Variants in SH3GL2 observed in about 807,000 individuals in gnomAD.
SH3GL2 encodes endophilin-A1.
Under a neutral mutation model 46.0 loss-of-function variants are expected in SH3GL2, and 24 were observed. The observed-to-expected ratio is 0.52, with a 90% CI of 0.38 to 0.73. The LOEUF (loss-of-function observed/expected upper bound fraction) is 0.73, where lower values mean the gene tolerates loss of function less well. Ranked by LOEUF, SH3GL2 falls within the 30% of genes least tolerant of loss-of-function variation. SH3GL2 has a pLI of 0.00. For missense variants in SH3GL2, 413 were observed against 424.2 expected, an observed-to-expected ratio of 0.97 and a Z score of 0.23; for synonymous variants, 196 against 147.1, an observed-to-expected ratio of 1.33 and a Z score of -2.40.
intron 1 of SH3GL2, among the ~76,000 whole-genome samples, chr9:17,652,485 AG>A (rs1386813706): frequency 6.6e-6 from 1 of 152,082 alleles, no homozygotes; most frequent in Non-Finnish European, 1.5e-5. Flanking sequence ...GAGGTGATCA[AG>A]TTCTGTGACT....
intron 1 of SH3GL2, among the ~76,000 whole-genome samples, chr9:17,728,472 A>G (rs931398336): frequency 5.3e-5 from 8 of 151,996 alleles, no homozygotes; most frequent in Middle Eastern, 3.2e-3. Flanking sequence ...TTATTTATGT[A>G]TGTATGTATT....
intron 1 of SH3GL2, among the ~76,000 whole-genome samples, chr9:17,706,767 A>G (rs1821482823): frequency 1.3e-5 from 2 of 152,072 alleles, no homozygotes; most frequent in African/African-American, 4.8e-5. Context: ...AGGTCCCTCT[A>G]TTCCTGATAT....
intron 1 of SH3GL2, among the ~76,000 whole-genome samples, chr9:17,650,887 A>G (rs1043254248): frequency 6.6e-6 from 1 of 152,174 alleles, no homozygotes; most frequent in Non-Finnish European, 1.5e-5. Flanking sequence ...ATCACTGGTC[A>G]TCTTATGTCC....
chr9:17,776,001 G>A (rs538632058), intron 3 of SH3GL2, among the ~76,000 whole-genome samples: 1 of 152,134 alleles, frequency 6.6e-6, no homozygotes, highest in Non-Finnish European at 1.5e-5. Context: ...AAATCAGGTT[G>A]TAATTTTTAA....
chr9:17,713,466 C>T (rs1167255303), intron 1 of SH3GL2, among the ~76,000 whole-genome samples: 4 of 150,580 alleles, frequency 2.7e-5, no homozygotes, highest in Non-Finnish European at 5.9e-5. Flanking sequence ...TTTGCTTTTC[C>T]TTTTCAGTTT....
At chr9:17,702,754 GTAAA>G (rs1291830184) in intron 1 of SH3GL2, among the ~76,000 whole-genome samples, 1 of 151,988 alleles carries the variant, frequency 6.6e-6, no homozygotes, top group Non-Finnish European at 1.5e-5. Context: ...CTTCCAGTAA[GTAAA>G]TAATGTCCAC....
chr9:17,674,565 T>C (rs1227592703), intron 1 of SH3GL2, among the ~76,000 whole-genome samples: 2 of 152,058 alleles, frequency 1.3e-5, no homozygotes, highest in African/African-American at 4.8e-5. Context: ...CCCAAAGCAA[T>C]GAACATGTTA....
At chr9:17,752,847 G>T (rs573135107) in intron 2 of SH3GL2, among the ~76,000 whole-genome samples, 15 of 151,944 alleles carry the variant, frequency 9.9e-5, no homozygotes, top group Non-Finnish European at 1.9e-4. Flanking sequence ...TTTCCCGATT[G>T]TCTCCCTCCT....
At chr9:17,787,140 G>A (rs550373521) in intron 4 of SH3GL2, among the ~76,000 whole-genome samples, 5 of 152,244 alleles carry the variant, frequency 3.3e-5, no homozygotes, top group African/African-American at 1.2e-4. Flanking sequence ...AGGGCAGGGA[G>A]CTTCCTAAAT....
rs147346370 is a variant in SH3GL2 at position 17,777,079 on chromosome 9, T to C, written c.188-9302T>C. Among the ~76,000 whole-genome samples, 32 of 152,296 alleles carry C rather than the reference T, an allele frequency of 2.1e-4. 1 individual carries two copies. In the East Asian group the frequency reaches 6.0e-3, roughly 29 times the overall value. On this transcript the variant is annotated intron_variant, in intron 3 of 8. Coordinates refer to ENST00000380607, the MANE Select transcript of SH3GL2 (RefSeq NM_003026.5). ...TGGAGAGTGTTAGGGACCTTCCTCTTCTTTATTTCGGAAAATCTTAGATTA... is the reference window on the plus strand; with the variant it reads ...TGGAGAGTGTTAGGGACCTTCCTCTCCTTTATTTCGGAAAATCTTAGATTA...
chr9:17,704,412 A>T (rs1821416441), intron 1 of SH3GL2, among the ~76,000 whole-genome samples: 2 of 150,384 alleles, frequency 1.3e-5, no homozygotes, highest in Admixed American at 6.7e-5. Flanking sequence ...ATTACCAATG[A>T]CATTCTTCAC....
At chr9:17,760,176 T>C (rs764630125) in intron 2 of SH3GL2, among the ~76,000 whole-genome samples, 1 of 152,168 alleles carries the variant, frequency 6.6e-6, no homozygotes, top group Non-Finnish European at 1.5e-5. Context: ...TTATACAAGA[T>C]TTATATGTAG....
chr9:17,726,341 C>T (rs1353192449), intron 1 of SH3GL2, among the ~76,000 whole-genome samples: 1 of 152,086 alleles, frequency 6.6e-6, no homozygotes, highest in Non-Finnish European at 1.5e-5. Flanking sequence ...TGTTCCCTGT[C>T]TCCAGTAATA....
intron 1 of SH3GL2, among the ~76,000 whole-genome samples, chr9:17,728,038 G>A (rs1051543747): frequency 5.3e-5 from 8 of 152,254 alleles, no homozygotes; most frequent in African/African-American, 1.9e-4. Context: ...CATTGTATTT[G>A]TTACATGTTA....
At chr9:17,786,245 C>G (rs954760078) in intron 3 of SH3GL2, 136 bp from the exon 4 acceptor site, 10 of 704,652 alleles carry the variant, frequency 1.4e-5, no homozygotes, top group East Asian at 2.7e-5. Flanking sequence ...GGAGAGAACA[C>G]TGGAGCGTAC....
intron 1 of SH3GL2, among the ~76,000 whole-genome samples, chr9:17,654,862 C>A (rs1207913888): frequency 6.6e-6 from 1 of 152,100 alleles, no homozygotes; most frequent in East Asian, 1.9e-4. Flanking sequence ...TAACCAACAT[C>A]TGGTAACATG....
chr9:17,639,538 C>T (rs936039628), intron 1 of SH3GL2, among the ~76,000 whole-genome samples: 1 of 152,130 alleles, frequency 6.6e-6, no homozygotes, highest in African/African-American at 2.4e-5. Flanking sequence ...ATGCTGGTGA[C>T]GATGTGGAGC....
chr9:17,761,623 CT>C, intron 3 of SH3GL2, 114 bp downstream of exon 3: 1 of 795,652 alleles, frequency 1.3e-6, no homozygotes. Flanking sequence ...CCTCGGTCCA[CT>C]TTTCTGAGAG....
intron 3 of SH3GL2, among the ~76,000 whole-genome samples, chr9:17,772,970 G>A (rs985171632): frequency 5.9e-5 from 9 of 152,076 alleles, no homozygotes; most frequent in African/African-American, 9.7e-5. Context: ...AAGGGTTCGA[G>A]TTACTCTACA....
Sources: allele counts gnomAD v4.1 joint callset (sites outside exome capture counted in the v4.1 genomes callset), GRCh38; gene constraint gnomAD v4.1.1; transcripts MANE v1.5; gene names NCBI Gene and HGNC (gene_info 2026-07-23, HGNC 2026-07-21).